The following EYA1 variants were observed in gnomAD, a reference collection of about 807,000 sequenced individuals.
EYA1 encodes EYA transcriptional coactivator and phosphatase 1, also known as protein phosphatase EYA1.
Under a neutral mutation model 82.0 loss-of-function variants are expected in EYA1, and 16 were observed. That is an observed-to-expected ratio of 0.20 (90% CI 0.13 to 0.30). The LOEUF is 0.30. EYA1 is among the 10% of genes least tolerant of loss of function. The probability of loss-of-function intolerance (pLI) is 1.00; values close to 1 mark genes in which losing one functional copy is unlikely to be tolerated. For synonymous variants in EYA1, 261 were observed against 264.4 expected, an observed-to-expected ratio of 0.99 and a Z score of 0.12; for missense variants, 633 against 730.7, an observed-to-expected ratio of 0.87 and a Z score of 1.54.
chr8:71,522,125 GA>G (rs1398005244), intron 2 of EYA1, among the ~76,000 whole-genome samples: 1 of 152,102 alleles, frequency 6.6e-6, no homozygotes, highest in African/African-American at 2.4e-5. Context: ...AAACTTTCTG[GA>G]AAAATATAGC....
chr8:71,334,125 G>T lies in EYA1; in HGVS notation c.174C>A (p.Asp58Glu), dbSNP rs370509332. 1 of 1,613,466 alleles carries T rather than the reference G, an allele frequency of 6.2e-7. No homozygotes were observed. Among genetic ancestry groups the T allele is most frequent in the Admixed American group, 1.7e-5 (1 of 59,990 alleles). The change falls in exon 4 of 18, where the codon GAC (aspartate) becomes GAA (glutamate). Residue 58 changes from aspartate to glutamate, a missense_variant. Asp to Glu is a conservative substitution (Grantham distance 45). Coordinates refer to ENST00000340726, the MANE Select transcript of EYA1 (RefSeq NM_000503.6). ...AACCTGAGAAATTGTTTAAAGACCCGTCGGCTGTCGTTGAAGCTGTTTCAC... is the reference window on the plus strand; with the variant it reads ...AACCTGAGAAATTGTTTAAAGACCCTTCGGCTGTCGTTGAAGCTGTTTCAC... ...SSSETASTTADGSLNNFSGSA... is the reference protein window; with the variant it reads ...SSSETASTTAEGSLNNFSGSA...
At chr8:71,277,735 T>A (rs79406200) in intron 9 of EYA1, among the ~76,000 whole-genome samples, 1 of 152,272 alleles carries the variant, frequency 6.6e-6, no homozygotes, top group East Asian at 1.9e-4. Context: ...GAGAGCATGG[T>A]AAGTGTCTAG....
intron 2 of EYA1, among the ~76,000 whole-genome samples, chr8:71,510,019 A>G (rs922601905): frequency 6.6e-6 from 1 of 151,010 alleles, no homozygotes; most frequent in African/African-American, 2.4e-5. Flanking sequence ...ATAGTACCCT[A>G]CCCTCACACT....
In EYA1 at chr8:71,217,020, A is replaced by G. The variant is rs766669312; in HGVS notation, c.1144T>C (p.Cys382Arg). ...ACATCATCTATATGGACTTGGTCAC[A>G]TTCCTAAAATGCAATTAAAATGATA... Reference protein sequence around the residue: ...THLFFNDLEECDQVHIDDVSS... With the variant: ...THLFFNDLEERDQVHIDDVSS... Residue 382 changes from cysteine (C) to arginine (R), a missense_variant, in exon 13 of 18, where the codon TGT (cysteine) becomes CGT (arginine). Cys to Arg is a radical substitution (Grantham distance 180, BLOSUM62 -3). Coordinates refer to ENST00000340726, the MANE Select transcript of EYA1 (RefSeq NM_000503.6). 6.2e-7 allele frequency: 1 copy of G among 1,612,058 alleles called. No individual in the cohort carries two copies. Among genetic ancestry groups the G allele is most frequent in the Admixed American group, 1.7e-5 (1 of 60,020 alleles).
chr8:71,517,615 A>G (rs1339875273), intron 2 of EYA1, among the ~76,000 whole-genome samples: 1 of 151,468 alleles, frequency 6.6e-6, no homozygotes, highest in East Asian at 1.9e-4. Context: ...TTTGCTTCAC[A>G]GTGACTTTAA....
At chr8:71,231,700 A>G (rs1199784325) in intron 12 of EYA1, among the ~76,000 whole-genome samples, 3 of 152,246 alleles carry the variant, frequency 2.0e-5, no homozygotes, top group Admixed American at 6.5e-5. Flanking sequence ...TAGAGTGAGC[A>G]TGAGGACATT....
At chr8:71,441,542 T>C (rs1205326929) in intron 2 of EYA1, among the ~76,000 whole-genome samples, 1 of 152,204 alleles carries the variant, frequency 6.6e-6, no homozygotes, top group Non-Finnish European at 1.5e-5. Flanking sequence ...AATGCTAGAA[T>C]AGCCCTACTG....
chr8:71,230,319 G>T (rs1270129092), intron 12 of EYA1, among the ~76,000 whole-genome samples: 1 of 152,144 alleles, frequency 6.6e-6, no homozygotes, highest in Non-Finnish European at 1.5e-5. Context: ...CAAAATCCAA[G>T]ATCTAAACCA....
intron 2 of EYA1, among the ~76,000 whole-genome samples, chr8:71,426,154 G>C (rs1261355314): frequency 6.6e-6 from 1 of 152,108 alleles, no homozygotes; most frequent in Non-Finnish European, 1.5e-5. Context: ...AATTGTTGTA[G>C]GTCATTTCTT....
chr8:71,510,303 C>A (rs1414343405), intron 2 of EYA1, among the ~76,000 whole-genome samples: 1 of 152,162 alleles, frequency 6.6e-6, no homozygotes, highest in Non-Finnish European at 1.5e-5. Context: ...AGCCCTAAAG[C>A]AGCCAAACCA....
chr8:71,491,089 G>T (rs1810961516), intron 2 of EYA1, among the ~76,000 whole-genome samples: 1 of 152,078 alleles, frequency 6.6e-6, no homozygotes, highest in African/African-American at 2.4e-5. Context: ...CAGTCTTCTG[G>T]ACTCACCTCT....
intron 2 of EYA1, among the ~76,000 whole-genome samples, chr8:71,380,494 C>G (rs1303268429): frequency 6.6e-6 from 1 of 152,150 alleles, no homozygotes; most frequent in Admixed American, 6.5e-5. Context: ...AGCCTGCAGC[C>G]CTGCCCCTGC....
chr8:71,434,425 A>G (rs1771113374), intron 2 of EYA1, among the ~76,000 whole-genome samples: 1 of 152,176 alleles, frequency 6.6e-6, no homozygotes, highest in South Asian at 2.1e-4. Flanking sequence ...GGATTGTTGA[A>G]GAAGGAAAGC....
At chr8:71,478,488 T>C (rs1809845408) in intron 2 of EYA1, among the ~76,000 whole-genome samples, 1 of 152,204 alleles carries the variant, frequency 6.6e-6, no homozygotes, top group Admixed American at 6.6e-5. Flanking sequence ...AGAAATGTTA[T>C]CCTTGGAGAA....
intron 12 of EYA1, among the ~76,000 whole-genome samples, chr8:71,243,642 G>A (rs191626464): frequency 1.2e-3 from 178 of 152,252 alleles, no homozygotes; most frequent in African/African-American, 4.0e-3. Context: ...TGAACAAACC[G>A]CATTTAAGTT....
chr8:71,480,084 A>G (rs1438520932), intron 2 of EYA1, among the ~76,000 whole-genome samples: 1 of 152,158 alleles, frequency 6.6e-6, no homozygotes. Context: ...ACTCCTCAAA[A>G]AAAATAAAGA....
chr8:71,446,811 A>G (rs1028347020), intron 2 of EYA1, among the ~76,000 whole-genome samples: 2 of 152,172 alleles, frequency 1.3e-5, no homozygotes, highest in Non-Finnish European at 2.9e-5. Context: ...GATTGATCTT[A>G]GCATTACTGT....
At chr8:71,344,461 T>C (rs1825492824) in intron 3 of EYA1, among the ~76,000 whole-genome samples, 1 of 152,222 alleles carries the variant, frequency 6.6e-6, no homozygotes, top group Non-Finnish European at 1.5e-5. Context: ...AGCAGTACAT[T>C]GTTTGCTCCT....
At chr8:71,255,602 A>C (rs1264264373) in intron 11 of EYA1, among the ~76,000 whole-genome samples, 1 of 152,222 alleles carries the variant, frequency 6.6e-6, no homozygotes, top group Non-Finnish European at 1.5e-5. Flanking sequence ...AACTCAAAAT[A>C]GATCAAAAAC....
Sources: gnomAD v4.1 joint callset for allele counts (sites outside exome capture counted in the v4.1 genomes callset) on GRCh38, gnomAD v4.1.1 for gene constraint, MANE v1.5 for transcripts, NCBI Gene and HGNC (gene_info 2026-07-23, HGNC 2026-07-21) for gene names.